TRIM49: variants seen among roughly 807,000 people sequenced by gnomAD.
TRIM49 encodes tripartite motif containing 49.
A neutral mutation model predicts 27.4 loss-of-function variants in TRIM49; 5 were observed. The observed-to-expected ratio is 0.18, with a 90% CI of 0.10 to 0.38. The LOEUF is 0.38. Ranked by LOEUF, TRIM49 falls within the 10% of genes least tolerant of loss-of-function variation. TRIM49 has a pLI of 1.00. For synonymous variants in TRIM49, 69 were observed against 166.0 expected (o/e 0.42, Z 4.49); for missense variants, 188 against 487.5 (o/e 0.39, Z 5.79).
At chr11:89,796,249 A>C (rs1370886179), downstream of TRIM49, among the ~76,000 whole-genome samples, 14 of 151,692 alleles carry the variant, frequency 9.2e-5, no homozygotes, top group African/African-American at 3.2e-4. Flanking sequence ...AGTTTGTTTT[A>C]TTATGAGACA....
At chr11:89,805,812 G>A (rs1364881805) in intron 2 of TRIM49, among the ~76,000 whole-genome samples, 3 of 149,090 alleles carry the variant, frequency 2.0e-5, no homozygotes, top group African/African-American at 5.1e-5. Flanking sequence ...CCGCCTCCAG[G>A]TTCAGAGCGA....
chr11:89,800,891 A>G (rs2134638218), intron 6 of TRIM49, 75 bp downstream of exon 6: 1 of 872,034 alleles, frequency 1.1e-6, no homozygotes, highest in Non-Finnish European at 1.7e-6. Context: ...TATTTATGCC[A>G]TGACTTTAAT....
chr11:89,792,544 C>T, the TRIM49 span, among the ~76,000 whole-genome samples: 3 of 152,160 alleles, frequency 2.0e-5, no homozygotes, highest in Non-Finnish European at 4.4e-5. Flanking sequence ...AACAAACTGT[C>T]TCTCAGACCA....
intron 2 of TRIM49, among the ~76,000 whole-genome samples, chr11:89,806,012 G>A (rs1949787222): frequency 1.3e-5 from 2 of 150,844 alleles, no homozygotes; most frequent in South Asian, 4.2e-4. Context: ...GCGCCACAGT[G>A]CCCAGCCCGG....
the TRIM49 span, among the ~76,000 whole-genome samples, chr11:89,790,833 T>G: frequency 3.9e-5 from 6 of 151,934 alleles, no homozygotes; most frequent in Admixed American, 3.3e-4. Flanking sequence ...ATTCTAAAAA[T>G]CAGAGCACCT....
intron 5 of TRIM49, among the ~76,000 whole-genome samples, 154 bp from the exon 6 acceptor site, chr11:89,801,142 A>C (rs2134638708): frequency 6.6e-6 from 1 of 150,482 alleles, no homozygotes; most frequent in East Asian, 1.9e-4. Flanking sequence ...GTAAAGAAAA[A>C]CCCAGTCAGT....
the TRIM49 span, among the ~76,000 whole-genome samples, chr11:89,770,221 T>C: frequency 8.2e-6 from 1 of 122,062 alleles, no homozygotes; most frequent in South Asian, 2.7e-4. Context: ...TTTTGATTCA[T>C]TTCACACGGA....
At chr11:89,806,328 C>T (rs1169059418) in intron 2 of TRIM49, among the ~76,000 whole-genome samples, 1 of 150,506 alleles carries the variant, frequency 6.6e-6, no homozygotes, top group Non-Finnish European at 1.5e-5. Context: ...TGTATACATC[C>T]TATGGTTCTG....
chr11:89,790,932 C>T, the TRIM49 span, among the ~76,000 whole-genome samples: 29 of 152,178 alleles, frequency 1.9e-4, no homozygotes, highest in African/African-American at 6.0e-4. Context: ...AAGAAGTCTT[C>T]AGACGATCAA....
downstream of TRIM49, among the ~76,000 whole-genome samples, chr11:89,795,835 T>A (rs1214213733): frequency 6.6e-6 from 1 of 151,648 alleles, no homozygotes; most frequent in Non-Finnish European, 1.5e-5. Flanking sequence ...TGTATACATA[T>A]GTAACAAATC....
intron 3 of TRIM49, 54 bp downstream of exon 3, chr11:89,804,005 C>T: frequency 6.2e-7 from 1 of 1,611,468 alleles, no homozygotes; most frequent in South Asian, 1.1e-5. Flanking sequence ...AAAATAGACC[C>T]ACAGGAATTT....
At chr11:89,794,464 A>G (rs1229711189), downstream of TRIM49, among the ~76,000 whole-genome samples, 1 of 151,416 alleles carries the variant, frequency 6.6e-6, no homozygotes, top group African/African-American at 2.4e-5. Flanking sequence ...AGCTGGAGGC[A>G]TCACACTACT....
At chr11:89,770,062 A>G in the TRIM49 span, among the ~76,000 whole-genome samples, 120 of 125,832 alleles carry the variant, frequency 9.5e-4, 22 homozygotes, top group African/African-American at 3.9e-3. Flanking sequence ...GTCGAGGTCA[A>G]TAGGCAGACA....
At chr11:89,794,733 T>C (rs1591510845), downstream of TRIM49, among the ~76,000 whole-genome samples, 1 of 144,914 alleles carries the variant, frequency 6.9e-6, no homozygotes, top group Non-Finnish European at 1.5e-5. Flanking sequence ...ATACAAAAAT[T>C]AATTCAAGAT....
rs774715075 is a variant in TRIM49, at chr11:89,798,409, C to T, written c.1080G>A (p.Met360Ile). The change falls in exon 8 of 8, where the codon ATG becomes ATA. Residue 360 changes from methionine to isoleucine, a missense_variant. Met to Ile is a conservative substitution (Grantham distance 10). Coordinates refer to ENST00000329758, the MANE Select transcript of TRIM49 (RefSeq NM_020358.2). ...CATTCTGATTCTTCTCTTTCCGATACATATTACAGACACCAAAAGCCCAAT... is the reference window on the plus strand; with the variant it reads ...CATTCTGATTCTTCTCTTTCCGATATATATTACAGACACCAAAAGCCCAAT... ...SWNWAFGVCNMYRKEKNQNEK... is the reference protein window; with the variant it reads ...SWNWAFGVCNIYRKEKNQNEK... 7 of 1,603,288 alleles carry T rather than the reference C, an allele frequency of 4.4e-6. No homozygotes were observed. The highest frequency in any genetic ancestry group is 5.9e-6 in the Non-Finnish European group (7 of 1,177,948).
chr11:89,791,624 T>C, the TRIM49 span, among the ~76,000 whole-genome samples: 3 of 151,206 alleles, frequency 2.0e-5, no homozygotes, highest in African/African-American at 7.3e-5. Flanking sequence ...CAACCCAGAA[T>C]ATCATATCCA....
downstream of TRIM49, among the ~76,000 whole-genome samples, chr11:89,793,366 C>T (rs1333052984): frequency 1.3e-5 from 2 of 152,136 alleles, no homozygotes; most frequent in Admixed American, 1.3e-4. Flanking sequence ...AGAGGGAATC[C>T]TCCCTAACTC....
At chr11:89,800,653 G>A (rs983607233) in intron 6 of TRIM49, among the ~76,000 whole-genome samples, 9 of 150,386 alleles carry the variant, frequency 6.0e-5, no homozygotes, top group African/African-American at 2.2e-4. Context: ...TGAGGCAGGG[G>A]AATGGTGTGA....
chr11:89,777,778 C>G, the TRIM49 span: 2 of 535,168 alleles, frequency 3.7e-6, no homozygotes, highest in South Asian at 4.4e-5. Flanking sequence ...TTATTAGAAT[C>G]ATATTCGTTT....
Sources: allele counts gnomAD v4.1 joint callset (sites outside exome capture counted in the v4.1 genomes callset), GRCh38; gene constraint gnomAD v4.1.1; transcripts MANE v1.5; gene names NCBI Gene and HGNC (gene_info 2026-07-23, HGNC 2026-07-21).